Variants in PAK1 observed in about 807,000 individuals in gnomAD.
The protein encoded by PAK1 is serine/threonine-protein kinase PAK 1.
In PAK1, 29 loss-of-function variants were observed where a neutral mutation model predicts 67.4. The observed-to-expected ratio is 0.43, with a 90% CI of 0.32 to 0.59. PAK1 has a LOEUF of 0.59. Among genes scored for constraint, PAK1 ranks in the 20% least tolerant of loss-of-function variants. The probability of loss-of-function intolerance (pLI) is 0.07; values close to 1 mark genes in which losing one functional copy is unlikely to be tolerated. For missense variants in PAK1, 337 were observed against 670.7 expected (o/e 0.50, Z 5.50); for synonymous variants, 223 against 237.4 (o/e 0.94, Z 0.56).
intron 1 of PAK1, among the ~76,000 whole-genome samples, chr11:77,445,035 T>C (rs904671492): frequency 6.6e-6 from 1 of 152,150 alleles, no homozygotes; most frequent in East Asian, 1.9e-4. Context: ...TATTTGGAAT[T>C]AGAGTAGTTA....
At chr11:77,349,325 A>G (rs771362573) in intron 8 of PAK1, 38 bp from the exon 9 acceptor site, 3 of 1,511,376 alleles carry the variant, frequency 2.0e-6, no homozygotes. Flanking sequence ...GGAAAAAAAC[A>G]CAGTGTTCAA....
chr11:77,491,193 AAAG>A, the PAK1 span, among the ~76,000 whole-genome samples: 1 of 152,110 alleles, frequency 6.6e-6, no homozygotes, highest in Non-Finnish European at 1.5e-5. Flanking sequence ...AAAAAAAAAA[AAAG>A]AAATCATTAG....
chr11:77,472,156 T>C (rs934623517), intron 1 of PAK1, among the ~76,000 whole-genome samples: 2 of 152,218 alleles, frequency 1.3e-5, no homozygotes, highest in Non-Finnish European at 2.9e-5. Flanking sequence ...TCCAGTAATG[T>C]TGGATAAACG....
At chr11:77,426,300 G>T (rs1026106341) in intron 1 of PAK1, among the ~76,000 whole-genome samples, 3 of 151,930 alleles carry the variant, frequency 2.0e-5, no homozygotes, top group African/African-American at 7.3e-5. Flanking sequence ...AGTAAACGTA[G>T]CTTTAGTGTG....
the PAK1 span, among the ~76,000 whole-genome samples, chr11:77,490,364 G>A: frequency 2.3e-4 from 32 of 138,092 alleles, no homozygotes; most frequent in African/African-American, 5.6e-4. Context: ...CAGCCGCCCC[G>A]TCCGGGAGGT....
At chr11:77,333,316 G>A (rs1942068367) in intron 13 of PAK1, among the ~76,000 whole-genome samples, 1 of 149,992 alleles carries the variant, frequency 6.7e-6, no homozygotes, top group African/African-American at 2.5e-5. Flanking sequence ...TCCTGACTCA[G>A]CCTCCCAAGT....
chr11:77,484,128 T>C, the PAK1 span, among the ~76,000 whole-genome samples: 1 of 151,126 alleles, frequency 6.6e-6, no homozygotes, highest in African/African-American at 2.4e-5. Flanking sequence ...AGGCTTTATT[T>C]AGTAAGCATT....
the PAK1 span, among the ~76,000 whole-genome samples, chr11:77,489,167 C>T: frequency 2.6e-5 from 4 of 152,090 alleles, no homozygotes; most frequent in Non-Finnish European, 5.9e-5. Context: ...TGCTGAAGGA[C>T]TATACTATTC....
Position 77,332,779 on chromosome 11 carries a change from C to G in PAK1, c.1502G>C (p.Cys501Ser). Residue 501 changes from cysteine (C) to serine (S), a missense_variant, in exon 14 of 15, where the codon TGT becomes TCT. Physicochemically the swap from Cys to Ser is moderately radical, Grantham distance 112. Coordinates refer to ENST00000356341, the MANE Select transcript of PAK1 (RefSeq NM_002576.5). The stretch of plus-strand genomic sequence containing the variant: ...TCTCTTCTCCACATCCATCTCGAGA[C>G]AGCGGTTCAGAAAGTCCCGGAAGAT... ...SAIFRDFLNRCLEMDVEKRGS... is the reference protein window; with the variant it reads ...SAIFRDFLNRSLEMDVEKRGS... The G allele has an allele frequency of 6.2e-7, 1 of 1,613,840 alleles. No individual in the cohort carries two copies. The highest frequency in any genetic ancestry group is 8.5e-7 in the Non-Finnish European group (1 of 1,179,750).
intron 2 of PAK1, among the ~76,000 whole-genome samples, chr11:77,388,261 T>G (rs1374803746): frequency 6.6e-6 from 1 of 152,234 alleles, no homozygotes; most frequent in Non-Finnish European, 1.5e-5. Flanking sequence ...TAAAGTACTT[T>G]ACAATGGCCT....
chr11:77,522,131 T>C, the PAK1 span, among the ~76,000 whole-genome samples: 3 of 152,248 alleles, frequency 2.0e-5, no homozygotes, highest in Non-Finnish European at 4.4e-5. Context: ...ACCTTTTAGA[T>C]TGGCTTTAAT....
intron 1 of PAK1, among the ~76,000 whole-genome samples, chr11:77,446,312 G>C (rs533573266): frequency 5.6e-4 from 85 of 152,140 alleles, no homozygotes; most frequent in African/African-American, 2.0e-3. Context: ...AGGAGTTCGA[G>C]ACCAGCCTGG....
At chr11:77,431,202 C>T (rs1955843657) in intron 1 of PAK1, among the ~76,000 whole-genome samples, 1 of 151,842 alleles carries the variant, frequency 6.6e-6, no homozygotes, top group Non-Finnish European at 1.5e-5. Flanking sequence ...CTAGTATTTA[C>T]TACATTATCT....
intron 14 of PAK1, among the ~76,000 whole-genome samples, chr11:77,331,594 A>C (rs541795115): frequency 2.6e-5 from 4 of 152,192 alleles, no homozygotes; most frequent in Non-Finnish European, 5.9e-5. Flanking sequence ...ATGAGAACAC[A>C]TGGACACAGG....
chr11:77,433,891 C>T (rs1955983187), intron 1 of PAK1, among the ~76,000 whole-genome samples: 1 of 152,172 alleles, frequency 6.6e-6, no homozygotes, highest in South Asian at 2.1e-4. Flanking sequence ...TGAAAAGATA[C>T]TCAAAATCAT....
intron 9 of PAK1, chr11:77,347,164 A>G: frequency 2.2e-6 from 1 of 447,484 alleles, no homozygotes; most frequent in South Asian, 1.6e-5. Context: ...TGTAACCACA[A>G]GACACGCATA....
At chr11:77,336,303 A>G (rs764494214) in intron 12 of PAK1, 21 bp from the exon 13 acceptor site, 1 of 1,580,196 alleles carries the variant, frequency 6.3e-7, no homozygotes, top group South Asian at 1.1e-5. Context: ...AAAATAAGAG[A>G]AAGAACATAC....
At chr11:77,347,109 A>G (rs1178165673) in intron 9 of PAK1, 3 of 455,994 alleles carry the variant, frequency 6.6e-6, no homozygotes, top group Non-Finnish European at 1.3e-5. Context: ...CTTCCTGACC[A>G]CACTGCATTA....
chr11:77,372,624 G>A (rs778400060), intron 5 of PAK1, among the ~76,000 whole-genome samples: 3 of 152,222 alleles, frequency 2.0e-5, no homozygotes, highest in East Asian at 3.9e-4. Context: ...TTCTTTAAGC[G>A]TCTCATCACC....
Sources: allele counts gnomAD v4.1 joint callset (sites outside exome capture counted in the v4.1 genomes callset), GRCh38; gene constraint gnomAD v4.1.1; transcripts MANE v1.5; gene names NCBI Gene and HGNC (gene_info 2026-07-23, HGNC 2026-07-21).